The following RINL variants were observed in gnomAD, a reference collection of about 807,000 sequenced individuals.
RINL encodes ras and Rab interactor-like protein.
In RINL, 39 loss-of-function variants were observed where a neutral mutation model predicts 58.1. The ratio of observed to expected loss-of-function variants is 0.67; its 90% CI spans 0.52 to 0.88. RINL has a LOEUF of 0.88. Ranked by LOEUF, RINL falls within the 40% of genes least tolerant of loss-of-function variation. The probability of loss-of-function intolerance (pLI) is 0.00; values close to 1 mark genes in which losing one functional copy is unlikely to be tolerated. For synonymous variants in RINL, 286 were observed against 323.1 expected (o/e 0.89, Z 1.23); for missense variants, 711 against 749.2 (o/e 0.95, Z 0.60).
Position 38,876,324 on chromosome 19 carries a change from T to C in RINL, c.210+7A>G. 6.5e-7 allele frequency: 1 copy of C among 1,535,552 alleles called. No homozygotes were observed. The highest frequency in any genetic ancestry group is 8.7e-7 in the Non-Finnish European group (1 of 1,146,536). ...GTCAGGATGGGCCCCCAGCTGTGAG[T>C]ACTCACCCCTAGTGGCCACAGCCCC... On this transcript the variant is annotated splice_region_variant and intron_variant, in intron 3 of 11. Coordinates refer to ENST00000591812, the MANE Select transcript of RINL (RefSeq NM_001195833.2).
At chr19:38,874,086 A>G (rs2144647425) in intron 3 of RINL, 98 bp from the exon 4 acceptor site, 1 of 717,732 alleles carries the variant, frequency 1.4e-6, no homozygotes. Context: ...TGGGTTCCAC[A>G]CCCCAAATTT....
intron 6 of RINL, 26 bp downstream of exon 6, chr19:38,871,621 G>A (rs761008304): frequency 6.2e-7 from 1 of 1,607,298 alleles, no homozygotes; most frequent in Non-Finnish European, 8.5e-7. Context: ...GGTTGGCTGT[G>A]CCCTCTTTAG....
In RINL at chr19:38,869,328, C is replaced by G. The variant is rs564174628; in HGVS notation, c.1557G>C (p.Gly519=). ...GGGAGGCGCGGGCCTCGGAGCTGAG[C>G]CCCCGGGGAGCGCGGTCTGTTTCGG... ...YQPETDRAPR[G]LSSEARASLH... Residue 519 remains glycine (G), a synonymous_variant, in exon 11 of 12, where the codon GGG becomes GGC. Transcript: ENST00000591812. This position sits in a 1 kb window ranked among gnomAD's most constrained non-coding sequence, Gnocchi z 5.7. 474 of 1,613,878 alleles carry G rather than the reference C, an allele frequency of 2.9e-4. 2 individuals carry two copies. In the South Asian group the frequency reaches 4.9e-3, roughly 17 times the overall value.
At chr19:38,871,912 G>T in intron 4 of RINL, 42 bp from the exon 5 acceptor site, 2 of 1,518,534 alleles carry the variant, frequency 1.3e-6, no homozygotes, top group East Asian at 4.5e-5. Context: ...AACTTGAGTG[G>T]TGGCAGTTTT....
chr19:38,877,846 G>A (rs1806341976), intron 1 of RINL, among the ~76,000 whole-genome samples: 1 of 151,500 alleles, frequency 6.6e-6, no homozygotes, highest in Non-Finnish European at 1.5e-5. Flanking sequence ...ACTGAATACA[G>A]GCTGGAATTA....
In RINL at chr19:38,871,703, A is replaced by T. The variant is rs762484838; in HGVS notation, c.395T>A (p.Leu132Gln). The T allele has an allele frequency of 9.9e-6, 16 of 1,614,160 alleles. No individual in the cohort carries two copies. The highest frequency in any genetic ancestry group is 1.4e-5 in the Non-Finnish European group (16 of 1,180,016). Reference protein sequence around the residue: ...LAFLSASRDVLPRTLLLPPPT... With the variant: ...LAFLSASRDVQPRTLLLPPPT... ...AGGGGGCAAGAGCAGGGTTCTGGGC[A>T]GAACATCCCTGAGAATAAAGAGGTG... Residue 132 changes from leucine (L) to glutamine (Q), a missense_variant, in exon 6 of 12, where the codon CTG becomes CAG. Transcript: ENST00000591812.
chr19:38,868,987 A>C lies in RINL; in HGVS notation c.*117T>G, dbSNP rs1324550668. The C allele has an allele frequency of 1.1e-5, 8 of 722,378 alleles. No homozygotes were observed. Among genetic ancestry groups the C allele is most frequent in the African/African-American group, 1.8e-5 (1 of 55,324 alleles). The allele number at this position is 722,378 out of a possible 1,614,324, so 44.7% of individuals were successfully genotyped here. On this transcript the variant is annotated 3_prime_UTR_variant, in exon 12 of 12. Coordinates refer to ENST00000591812, the MANE Select transcript of RINL (RefSeq NM_001195833.2). ...TTTTGTTTTTTTTTTTTTTTGGTAGATGGGGGTCCCACTGTTTTGCCCAGG... is the reference window on the plus strand; with the variant it reads ...TTTTGTTTTTTTTTTTTTTTGGTAGCTGGGGGTCCCACTGTTTTGCCCAGG...
intron 4 of RINL, among the ~76,000 whole-genome samples, chr19:38,872,938 C>T (rs1972845380): frequency 7.5e-6 from 1 of 133,980 alleles, no homozygotes; most frequent in Non-Finnish European, 1.5e-5. Flanking sequence ...TGGTGGTGTG[C>T]ACCTGTAATC....
In RINL at chr19:38,870,001, C is replaced by A; in HGVS notation, c.1284G>T (p.Ala428=). The A allele has an allele frequency of 2.5e-6, 4 of 1,586,974 alleles. No individual in the cohort carries two copies. The highest frequency in any genetic ancestry group is 3.4e-6 in the Non-Finnish European group (4 of 1,168,880). ...HAACAPRRKV[A]LLLEVCRDVY... is the part of the protein sequence containing the mutation. ...CATCTCTGCACACCTCCAAGAGGAG[C>A]GCCACCTTGCGGCGCGGGGCGCAGG... The change falls in exon 9 of 12, where the codon GCG becomes GCT. Residue 428 remains alanine (A), a synonymous_variant. Coordinates refer to ENST00000591812, the MANE Select transcript of RINL (RefSeq NM_001195833.2). This position sits in a 1 kb window ranked among gnomAD's most constrained non-coding sequence, Gnocchi z 5.8.
intron 3 of RINL, among the ~76,000 whole-genome samples, chr19:38,875,795 G>A (rs556877833): frequency 1.4e-4 from 21 of 152,340 alleles, no homozygotes; most frequent in Non-Finnish European, 2.2e-4. Context: ...GGCAGCCCCC[G>A]GGAAGCTGTG....
In RINL at chr19:38,869,725, G is replaced by A. The variant is rs772015166; in HGVS notation, c.1343-21C>T. On this transcript the variant is annotated intron_variant, in intron 9 of 11. Transcript: ENST00000591812. This position sits in a 1 kb window ranked among gnomAD's most constrained non-coding sequence, Gnocchi z 5.7. ...GGGATCTGGGAAAACCAGAGGAAAG[G>A]TCTTGAGATGGATCCCCATCTCAAG... 1.9e-6 allele frequency: 3 copies of A among 1,613,198 alleles called. No individual in the cohort carries two copies. The highest frequency in any genetic ancestry group is 2.5e-6 in the Non-Finnish European group (3 of 1,179,936).
chr19:38,870,337 C>A lies in RINL; in HGVS notation c.1025-77G>T, dbSNP rs1972778672. 1 of 1,200,016 alleles carries A rather than the reference C, an allele frequency of 8.3e-7. No homozygotes were observed. Among genetic ancestry groups the A allele is most frequent in the South Asian group, 1.7e-5 (1 of 58,946 alleles). The allele number at this position is 1,200,016 out of a possible 1,614,324, so 74.3% of individuals were successfully genotyped here. A position where few individuals can be genotyped will look rare whatever the true frequency, so the allele number is the denominator to read the frequency against. ...CCACCCACGCGCTCCAACAACCCAC[C>A]CTGGCCCACAGCCACCCCTGCCTAG... is the stretch of plus-strand genomic sequence containing the variant. On this transcript the variant is annotated intron_variant, in intron 8 of 11. Coordinates refer to ENST00000591812, the MANE Select transcript of RINL (RefSeq NM_001195833.2). This position sits in a 1 kb window ranked among gnomAD's most constrained non-coding sequence, Gnocchi z 5.8.
In RINL at chr19:38,875,794, C is replaced by G. The variant is rs10424892; in HGVS notation, c.210+537G>C. On this transcript the variant is annotated intron_variant, in intron 3 of 11. Coordinates refer to ENST00000591812, the MANE Select transcript of RINL (RefSeq NM_001195833.2). ...AGGTGCTTGGGCCTGGGGCAGCCCC[C>G]GGGAAGCTGTGAGAGAAGTCCAAGA... 7.9e-5 allele frequency among the ~76,000 whole-genome samples: 12 copies of G among 152,218 alleles called. No individual in the cohort carries two copies. In the South Asian group the frequency reaches 1.0e-3, roughly 13 times the overall value.
At chr19:38,875,057 C>G (rs918439298) in intron 3 of RINL, among the ~76,000 whole-genome samples, 1 of 150,400 alleles carries the variant, frequency 6.6e-6, no homozygotes, top group African/African-American at 2.4e-5. Context: ...ATCGCTTGAA[C>G]CCGGGAGGCA....
At position 38,868,476 on chromosome 19, in the gene RINL, T is replaced by G; in HGVS notation, c.*628A>C. On this transcript the variant is annotated 3_prime_UTR_variant, in exon 12 of 12. Transcript: ENST00000591812. ...AGAGAGACCTCATCTTTATAAAAAATTTTAAAAATTAGACAGGCACGGTGG... is the reference window on the plus strand; with the variant it reads ...AGAGAGACCTCATCTTTATAAAAAAGTTTAAAAATTAGACAGGCACGGTGG... The G allele has an allele frequency of 6.6e-6, 1 of 151,548 alleles. No homozygotes were observed. The highest frequency in any genetic ancestry group is 6.6e-5 in the Admixed American group (1 of 15,190). 9.4% of individuals were successfully genotyped at this position (151,548 alleles called of 1,614,324 possible). A position where few individuals can be genotyped will look rare whatever the true frequency, so the allele number is the denominator to read the frequency against.
chr19:38,874,534 A>G (rs1466790161), intron 3 of RINL, among the ~76,000 whole-genome samples: 1 of 152,134 alleles, frequency 6.6e-6, no homozygotes, highest in Non-Finnish European at 1.5e-5. Flanking sequence ...TCAGCCTCTC[A>G]TAGTGCTGGG....
At chr19:38,871,264 C>A (rs1296959129) in intron 6 of RINL, 37 bp from the exon 7 acceptor site, 1 of 1,612,536 alleles carries the variant, frequency 6.2e-7, no homozygotes. Context: ...TCCTAGGTAT[C>A]CAAGGGACCA....
At chr19:38,873,380 C>T (rs1439120915) in intron 4 of RINL, among the ~76,000 whole-genome samples, 2 of 152,258 alleles carry the variant, frequency 1.3e-5, no homozygotes, top group South Asian at 2.1e-4. Flanking sequence ...AAGGACGTTG[C>T]ATGCTCTTTG....
chr19:38,876,250 A>G, intron 3 of RINL, 81 bp downstream of exon 3: 2 of 1,400,058 alleles, frequency 1.4e-6, no homozygotes, highest in Non-Finnish European at 1.9e-6. Context: ...GGTTTGCCCA[A>G]TTTGTGTCAT....
Sources: gnomAD v4.1 joint callset for allele counts (sites outside exome capture counted in the v4.1 genomes callset) on GRCh38, gnomAD v4.1.1 for gene constraint, Gnocchi (gnomAD v3.1) non-coding constraint, MANE v1.5 for transcripts, NCBI Gene and HGNC (gene_info 2026-07-23, HGNC 2026-07-21) for gene names.